SUN5: variants seen among roughly 807,000 people sequenced by gnomAD.
SUN5 encodes Sad1 and UNC84 domain containing 5.
SUN5 carries 44 observed loss-of-function variants against 53.7 expected under a neutral mutation model. The observed-to-expected ratio is 0.82, with a 90% CI of 0.64 to 1.05. The LOEUF is 1.05. Among genes scored for constraint, SUN5 ranks in the 50% least tolerant of loss-of-function variants. The pLI is 0.00. For synonymous variants in SUN5, 166 were observed against 179.8 expected (o/e 0.92, Z 0.62); for missense variants, 433 against 483.8 (o/e 0.90, Z 0.98).
intron 11 of SUN5, 88 bp downstream of exon 11, chr20:32,985,648 G>A (rs1989516346): frequency 6.7e-7 from 1 of 1,503,756 alleles, no homozygotes; most frequent in South Asian, 1.3e-5. Context: ...CAAGTGTTGT[G>A]CAGACACTGT....
At chr20:32,996,454 C>T in intron 6 of SUN5, 96 bp from the exon 7 acceptor site, 1 of 1,125,774 alleles carries the variant, frequency 8.9e-7, no homozygotes, top group South Asian at 1.5e-5. Context: ...ATTATAAACC[C>T]ATACATTCAT....
chr20:33,001,507 TTTTC>T (rs1568970729), intron 3 of SUN5, among the ~76,000 whole-genome samples: 1 of 27,076 alleles, frequency 3.7e-5, no homozygotes, highest in African/African-American at 6.4e-4. Context: ...TTAACAGACA[TTTTC>T]TTTCTTTCTT....
intron 12 of SUN5, among the ~76,000 whole-genome samples, chr20:32,984,292 T>G (rs1048720672): frequency 6.6e-6 from 1 of 151,856 alleles, no homozygotes; most frequent in Non-Finnish European, 1.5e-5. Flanking sequence ...AGGATTGCGG[T>G]GGGCATGAAA....
Position 33,004,261 on chromosome 20 carries a change from C to A in SUN5, c.77+3G>T. The A allele has an allele frequency of 1.3e-6, 2 of 1,563,946 alleles. No homozygotes were observed. The highest frequency in any genetic ancestry group is 1.2e-5 in the South Asian group (1 of 84,200). ...GGGCAAAGGGAGGGGCTGCCATCCT[C>A]ACCTCCGGGGTCTGGGATTGTGGGC... is the stretch of plus-strand genomic sequence containing the variant. On this transcript the variant is annotated splice_donor_region_variant and intron_variant, in intron 1 of 12. Transcript: ENST00000356173.
At chr20:32,994,327 A>G (rs1426376434) in intron 8 of SUN5, among the ~76,000 whole-genome samples, 2 of 152,218 alleles carry the variant, frequency 1.3e-5, no homozygotes, top group African/African-American at 4.8e-5. Flanking sequence ...TCTTTTGTAT[A>G]CAATGTTGAG....
chr20:32,993,493 A>C (rs1020017470), intron 8 of SUN5, among the ~76,000 whole-genome samples: 2 of 152,244 alleles, frequency 1.3e-5, no homozygotes, highest in African/African-American at 4.8e-5. Context: ...TAAAGTAACA[A>C]AACTGGGGAC....
At chr20:32,988,368 G>A (rs1031957660) in intron 9 of SUN5, among the ~76,000 whole-genome samples, 5 of 152,124 alleles carry the variant, frequency 3.3e-5, no homozygotes, top group African/African-American at 7.2e-5. Context: ...AGGGGTTTGC[G>A]TTGGGGGCAG....
chr20:33,002,560 G>A (rs368716157), intron 3 of SUN5, 27 bp downstream of exon 3: 408 of 1,611,858 alleles, frequency 2.5e-4, no homozygotes, highest in Non-Finnish European at 3.4e-4. Context: ...TATTGATGAC[G>A]AAGGTGATTA....
intron 3 of SUN5, among the ~76,000 whole-genome samples, chr20:33,002,100 C>A (rs1311880572): frequency 6.6e-6 from 1 of 152,014 alleles, no homozygotes; most frequent in Non-Finnish European, 1.5e-5. Context: ...GTAGGGGACT[C>A]AGAATTGACA....
intron 7 of SUN5, 77 bp from the exon 8 acceptor site, chr20:32,995,804 A>G (rs1989832823): frequency 1.5e-6 from 2 of 1,356,908 alleles, no homozygotes; most frequent in Admixed American, 1.7e-5. Context: ...TCCCTTTGCT[A>G]GTTGGCTCTC....
chr20:32,987,239 T>G (rs569698354), intron 10 of SUN5, among the ~76,000 whole-genome samples: 2 of 152,294 alleles, frequency 1.3e-5, no homozygotes, highest in African/African-American at 4.8e-5. Context: ...GTGGCCACAG[T>G]CAAGTGACCT....
At chr20:33,004,122 A>T (rs1187027910) in intron 1 of SUN5, 142 bp downstream of exon 1, 2 of 854,172 alleles carry the variant, frequency 2.3e-6, no homozygotes, top group Non-Finnish European at 3.3e-6. Flanking sequence ...CTTTGGGAAT[A>T]CCACTGCCAA....
At chr20:33,003,384 C>T (rs35137593) in intron 1 of SUN5, among the ~76,000 whole-genome samples, 35,581 of 151,830 alleles carry the variant, frequency 0.23, 4,527 homozygotes, top group Non-Finnish European at 0.28. Flanking sequence ...CCACAGAAAA[C>T]GATGCTTATT....
rs1277864348 is a variant in SUN5, at chr20:33,000,051, C to G, written c.340+23G>C. The G allele has an allele frequency of 2.5e-6, 4 of 1,604,870 alleles. No individual in the cohort carries two copies. The South Asian group carries it at 4.5e-5, about 18-fold the overall frequency. ...GGCCCAGGGATACCTCCACCTGGGA[C>G]TGGGCAGGGCCCTGGGACACACCGA... On this transcript the variant is annotated intron_variant, in intron 5 of 12. Transcript: ENST00000356173.
At chr20:32,984,497 T>C (rs1423365811) in intron 12 of SUN5, among the ~76,000 whole-genome samples, 2 of 152,188 alleles carry the variant, frequency 1.3e-5, no homozygotes, top group African/African-American at 4.8e-5. Context: ...CTTCACTGAA[T>C]GTTTTCAACC....
rs768090149 is a variant in SUN5 at position 32,985,897 on chromosome 20, C to T, written c.736G>A (p.Val246Met). Residue 246 changes from valine to methionine, a missense_variant, in exon 11 of 13, where the codon GTG becomes ATG. Coordinates refer to ENST00000356173, the MANE Select transcript of SUN5 (RefSeq NM_080675.4). ...QPPDVILEPN[V>M]TPGNCWAFEG... ...AAGGCCCAGCAATTGCCAGGTGTCA[C>T]GTTGGGCTAGAAGAGGCAAGTACAA... 18 of 1,613,640 alleles carry T rather than the reference C, an allele frequency of 1.1e-5. No homozygotes were observed. Among genetic ancestry groups the T allele is most frequent in the East Asian group, 2.2e-5 (1 of 44,888 alleles).
At chr20:32,995,296 A>G (rs1989816669) in intron 8 of SUN5, among the ~76,000 whole-genome samples, 1 of 152,208 alleles carries the variant, frequency 6.6e-6, no homozygotes, top group Non-Finnish European at 1.5e-5. Context: ...GATCAATAAT[A>G]AGAGTGCCAT....
At position 32,987,788 on chromosome 20, in the gene SUN5, AG is replaced by A; in HGVS notation, c.614-14del. Reference sequence around the variant, plus strand: ...TCAATGCTGGCCCCTGTATAGGAGAAGGGGGTCTCAGCCAAGCAGCCGGGCT... The same window carrying A: ...TCAATGCTGGCCCCTGTATAGGAGAAGGGGTCTCAGCCAAGCAGCCGGGCT... On this transcript the variant is annotated splice_polypyrimidine_tract_variant and intron_variant, in intron 9 of 12. Transcript: ENST00000356173. 6.2e-7 allele frequency: 1 copy of A among 1,605,180 alleles called. No homozygotes were observed. The highest frequency in any genetic ancestry group is 8.5e-7 in the Non-Finnish European group (1 of 1,175,330).
chr20:32,997,517 G>A (rs1989884396), intron 6 of SUN5, 121 bp downstream of exon 6: 3 of 976,646 alleles, frequency 3.1e-6, no homozygotes, highest in East Asian at 2.6e-5. Flanking sequence ...TTTGGATCTG[G>A]GTCAAGTCAG....
Sources: allele counts gnomAD v4.1 joint callset (sites outside exome capture counted in the v4.1 genomes callset), GRCh38; gene constraint gnomAD v4.1.1; transcripts MANE v1.5; gene names NCBI Gene and HGNC (gene_info 2026-07-23, HGNC 2026-07-21).